Variants in SIK3 observed in about 807,000 individuals in gnomAD.
The protein encoded by SIK3 is serine/threonine-protein kinase SIK3.
SIK3 carries 28 observed loss-of-function variants against 144.2 expected under a neutral mutation model. The ratio of observed to expected loss-of-function variants is 0.19; its 90% CI spans 0.14 to 0.27. The LOEUF is 0.27. SIK3 is among the 10% of genes least tolerant of loss of function. The pLI, the probability that SIK3 is intolerant of heterozygous loss-of-function variation, is 1.00. For synonymous variants in SIK3, 686 were observed against 676.3 expected, an observed-to-expected ratio of 1.01 and a Z score of -0.22; for missense variants, 1,319 against 1,776.0, an observed-to-expected ratio of 0.74 and a Z score of 4.62.
chr11:117,080,777 G>A (rs1954749908), intron 1 of SIK3, among the ~76,000 whole-genome samples: 1 of 151,820 alleles, frequency 6.6e-6, no homozygotes, highest in Admixed American at 6.6e-5. Flanking sequence ...GTGAAACCCC[G>A]TCTCTACTAA....
chr11:116,872,276 G>A (rs993137986), intron 13 of SIK3, among the ~76,000 whole-genome samples: 13 of 152,200 alleles, frequency 8.5e-5, no homozygotes, highest in African/African-American at 2.4e-4. Flanking sequence ...ACTTGTTAGC[G>A]ACCTTGGCAA....
At chr11:116,907,327 G>A (rs1366351392) in intron 4 of SIK3, among the ~76,000 whole-genome samples, 3 of 152,076 alleles carry the variant, frequency 2.0e-5, no homozygotes, top group African/African-American at 4.8e-5. Flanking sequence ...TTAAGTTCAC[G>A]TACATCCCAT....
intron 1 of SIK3, among the ~76,000 whole-genome samples, chr11:116,995,332 T>C (rs1950628093): frequency 6.7e-6 from 1 of 148,916 alleles, no homozygotes; most frequent in South Asian, 2.2e-4. Flanking sequence ...GGCGTGATCT[T>C]GGCTCATTGC....
In SIK3 at chr11:116,875,429, A is replaced by G. The variant is rs755990884; in HGVS notation, c.1262T>C (p.Met421Thr). The change falls in exon 10 of 25, where the codon ATG (methionine) becomes ACG (threonine). Residue 421 changes from methionine to threonine, a missense_variant. This residue lies in a region of SIK3 where 109 missense variants were observed against 109.3 expected (regional missense o/e 1.00). Transcript: ENST00000445177. Reference sequence around the variant, plus strand: ...CTGCACCTGGGGAACGCTGATGTTCATAGCAGTACCTGCCTGCTCCGCCTG... The same window carrying G: ...CTGCACCTGGGGAACGCTGATGTTCGTAGCAGTACCTGCCTGCTCCGCCTG... ...NIQAEQAGTA[M>T]NISVPQVQLI... The G allele has an allele frequency of 6.2e-7, 1 of 1,614,086 alleles. No homozygotes were observed. Among genetic ancestry groups the G allele is most frequent in the Non-Finnish European group, 8.5e-7 (1 of 1,180,026 alleles).
intron 1 of SIK3, among the ~76,000 whole-genome samples, chr11:117,093,721 T>C (rs59097294): frequency 0.31 from 47,423 of 151,578 alleles, 9,645 homozygotes; most frequent in African/African-American, 0.59. Context: ...TTTAAAATGC[T>C]GATTTCATGA....
chr11:116,913,928 A>C (rs1946474019), intron 4 of SIK3, among the ~76,000 whole-genome samples: 1 of 151,932 alleles, frequency 6.6e-6, no homozygotes, highest in African/African-American at 2.4e-5. Flanking sequence ...ACAAACAAAA[A>C]AACAAAACAA....
At chr11:116,889,732 C>A (rs60109272) in intron 6 of SIK3, among the ~76,000 whole-genome samples, 2 of 151,854 alleles carry the variant, frequency 1.3e-5, no homozygotes, top group African/African-American at 4.8e-5. Context: ...CCCATCTCTA[C>A]AAAAAAATAC....
chr11:117,032,059 T>A (rs1187563792), intron 1 of SIK3, among the ~76,000 whole-genome samples: 1 of 152,242 alleles, frequency 6.6e-6, no homozygotes, highest in African/African-American at 2.4e-5. Context: ...CTACCAATAT[T>A]ACACAATCTT....
chr11:116,879,085 T>G (rs1282760546), intron 6 of SIK3, among the ~76,000 whole-genome samples: 3 of 152,250 alleles, frequency 2.0e-5, no homozygotes, highest in Non-Finnish European at 4.4e-5. Context: ...AAAATGGTTA[T>G]TATATCTAGA....
intron 1 of SIK3, among the ~76,000 whole-genome samples, chr11:116,968,676 C>G (rs11820494): frequency 0.029 from 4,340 of 152,260 alleles, 196 homozygotes; most frequent in African/African-American, 0.096. Flanking sequence ...TAAATACTGA[C>G]CTTCTCTGAT....
chr11:116,872,633 A>G (rs1944026355), intron 13 of SIK3, among the ~76,000 whole-genome samples: 1 of 152,248 alleles, frequency 6.6e-6, no homozygotes, highest in Non-Finnish European at 1.5e-5. Context: ...AAATAAAGAG[A>G]CACTTTTAGC....
intron 6 of SIK3, among the ~76,000 whole-genome samples, chr11:116,881,036 A>G (rs541622886): frequency 6.6e-6 from 1 of 152,192 alleles, no homozygotes; most frequent in Non-Finnish European, 1.5e-5. Flanking sequence ...AGGTAGGAGA[A>G]TGGCGTGAAC....
chr11:116,873,940 A>G lies in SIK3; in HGVS notation c.1544T>C (p.Met515Thr). The G allele has an allele frequency of 6.2e-7, 1 of 1,613,530 alleles. No homozygotes were observed. The highest frequency in any genetic ancestry group is 8.5e-7 in the Non-Finnish European group (1 of 1,179,794). Residue 515 changes from methionine (M) to threonine (T), a missense_variant, in exon 12 of 25, where the codon ATG becomes ACG. Transcript: ENST00000445177. ...NVNFMHNLLP[M>T]QNLQPTGQLE... ...TTGCCCGGTTGGTTGCAAGTTTTGC[A>G]TAGGCAACAGGTTGTGCATGAAGTT...
In SIK3 at chr11:116,849,511, C is replaced by G. The variant is rs1000760592; in HGVS notation, c.3656-228G>C. Among the ~76,000 whole-genome samples, 7 of 152,260 alleles carry G rather than the reference C, an allele frequency of 4.6e-5. No homozygotes were observed. The highest frequency in any genetic ancestry group is 4.1e-4 in the South Asian group (2 of 4,822). ...CCCTTAGGGAAAAAATTCCACGTAACAGGGCATGGCTGGACCCCACCGAAC... is the reference window on the plus strand; with the variant it reads ...CCCTTAGGGAAAAAATTCCACGTAAGAGGGCATGGCTGGACCCCACCGAAC... On this transcript the variant is annotated intron_variant, in intron 21 of 24. Transcript: ENST00000445177. The surrounding 1 kb of genome is among the most constrained non-coding windows in gnomAD (Gnocchi z 4.2).
chr11:116,860,868 G>A (rs1943285402), intron 19 of SIK3, among the ~76,000 whole-genome samples: 1 of 152,180 alleles, frequency 6.6e-6, no homozygotes, highest in African/African-American at 2.4e-5. Flanking sequence ...CTGGTTGTCT[G>A]ATAAGTTTCT....
chr11:116,965,782 T>TATAA (rs1321470388), intron 1 of SIK3, among the ~76,000 whole-genome samples: 1 of 117,394 alleles, frequency 8.5e-6, no homozygotes, highest in African/African-American at 3.5e-5. Context: ...TATATATATA[T>TATAA]AAATTAGCCA....
chr11:117,062,547 A>G (rs567244068), intron 1 of SIK3, among the ~76,000 whole-genome samples: 1 of 152,348 alleles, frequency 6.6e-6, no homozygotes, highest in African/African-American at 2.4e-5. Context: ...TATGCCTAAT[A>G]GTAACAGACA....
At chr11:116,977,932 C>A (rs7109876) in intron 1 of SIK3, among the ~76,000 whole-genome samples, 19,633 of 152,208 alleles carry the variant, frequency 0.13, 1,391 homozygotes, top group Admixed American at 0.18. Context: ...GAATTACTAT[C>A]TGCAAGCCGG....
intron 1 of SIK3, among the ~76,000 whole-genome samples, chr11:116,959,286 T>C (rs1239015906): frequency 6.6e-6 from 1 of 152,030 alleles, no homozygotes; most frequent in African/African-American, 2.4e-5. Flanking sequence ...TGAGCTATGA[T>C]CGTGCCAGCA....
Sources: gnomAD v4.1 joint callset for allele counts (sites outside exome capture counted in the v4.1 genomes callset) on GRCh38, gnomAD v4.1.1 for gene constraint, gnomAD v4.1.1 regional missense constraint, Gnocchi (gnomAD v3.1) non-coding constraint, MANE v1.5 for transcripts, NCBI Gene and HGNC (gene_info 2026-07-23, HGNC 2026-07-21) for gene names.